Variants in IQSEC2 observed in about 807,000 individuals in gnomAD.
IQSEC2 encodes IQ motif and Sec7 domain ArfGEF 2, also known as IQ motif and SEC7 domain-containing protein 2.
Under a neutral mutation model 74.6 loss-of-function variants are expected in IQSEC2, and 6 were observed. The observed-to-expected ratio is 0.08, with a 90% confidence interval of 0.04 to 0.16. The LOEUF (loss-of-function observed/expected upper bound fraction) is 0.16. Ranked by LOEUF, IQSEC2 falls within the 10% of genes least tolerant of loss-of-function variation. The pLI is 1.00. For missense variants in IQSEC2, 734 were observed against 1,306.2 expected (o/e 0.56, Z 6.75); for synonymous variants, 494 against 544.5 (o/e 0.91, Z 1.29).
intron 8 of IQSEC2, among the ~76,000 whole-genome samples, chrX:53,244,151 G>C (rs2074265788): frequency 9.2e-6 from 1 of 108,757 alleles, no homozygotes; most frequent in African/African-American, 3.4e-5. Context: ...GGGAGGCAGA[G>C]GCTGTAGTGA....
chrX:53,268,254 G>A (rs2074689009), intron 2 of IQSEC2, among the ~76,000 whole-genome samples: 1 of 111,482 alleles, frequency 9.0e-6, no homozygotes, highest in South Asian at 3.8e-4. Context: ...ATGGGAAGAG[G>A]TGGGAAGGAA....
intron 2 of IQSEC2, among the ~76,000 whole-genome samples, chrX:53,283,170 C>T (rs2074992168): frequency 8.9e-6 from 1 of 112,391 alleles, no homozygotes; most frequent in South Asian, 3.7e-4. Context: ...GAGCTGAGAT[C>T]ATGCCGCTGC....
intron 5 of IQSEC2, 68 bp downstream of exon 5, chrX:53,250,211 G>A (rs1368897304): frequency 2.7e-6 from 3 of 1,107,558 alleles, no homozygotes; most frequent in Non-Finnish European, 3.7e-6. Flanking sequence ...GTGGAGTTCT[G>A]TCCCAGGAAC....
At chrX:53,235,601 GAGAC>G (rs2074114480) in intron 14 of IQSEC2, among the ~76,000 whole-genome samples, 178 bp downstream of exon 14, 1 of 111,587 alleles carries the variant, frequency 9.0e-6, no homozygotes, top group South Asian at 3.8e-4. Context: ...GACAGACTGA[GAGAC>G]AGGCAGAATG....
At chrX:53,278,292 G>C (rs1474812305) in intron 2 of IQSEC2, among the ~76,000 whole-genome samples, 4 of 111,196 alleles carry the variant, frequency 3.6e-5, no homozygotes, top group African/African-American at 1.3e-4. Context: ...TTACAGGCGT[G>C]AGCCACTGCG....
At chrX:53,286,064 A>G (rs1305662297) in intron 2 of IQSEC2, among the ~76,000 whole-genome samples, 1 of 112,512 alleles carries the variant, frequency 8.9e-6, no homozygotes, top group Non-Finnish European at 1.9e-5. Flanking sequence ...CTATAAATTC[A>G]GTCACTGAAC....
intron 1 of IQSEC2, among the ~76,000 whole-genome samples, chrX:53,294,113 C>A (rs1488832095): frequency 1.8e-5 from 2 of 111,936 alleles, no homozygotes; most frequent in East Asian, 5.6e-4. Context: ...GCCAGAGAGG[C>A]ACCAACAGAC....
chrX:53,243,516 A>G (rs1463712816), intron 8 of IQSEC2, 45 bp from the exon 9 acceptor site: 31 of 1,128,099 alleles, frequency 2.7e-5, no homozygotes, highest in Non-Finnish European at 3.5e-5. Flanking sequence ...AATTATGGGC[A>G]CTGGGTGGTA....
intron 2 of IQSEC2, among the ~76,000 whole-genome samples, chrX:53,270,550 C>T (rs782353724): frequency 1.8e-5 from 2 of 111,592 alleles, no homozygotes; most frequent in East Asian, 2.8e-4. Context: ...AAAGGCACCC[C>T]AACATTCTCT....
intron 1 of IQSEC2, among the ~76,000 whole-genome samples, chrX:53,296,421 G>A (rs1300127850): frequency 9.0e-6 from 1 of 111,613 alleles, no homozygotes; most frequent in Non-Finnish European, 1.9e-5. Flanking sequence ...AAAGAGACAG[G>A]TACCCTGGCC....
At chrX:53,270,577 T>C (rs2074727248) in intron 2 of IQSEC2, among the ~76,000 whole-genome samples, 1 of 111,826 alleles carries the variant, frequency 8.9e-6, no homozygotes, top group South Asian at 3.7e-4. Flanking sequence ...TCACCCCAGC[T>C]TTTTCTTCAT....
intron 1 of IQSEC2, among the ~76,000 whole-genome samples, chrX:53,295,451 A>T (rs376078529): frequency 3.7e-5 from 4 of 108,380 alleles, no homozygotes; most frequent in Non-Finnish European, 7.7e-5. Flanking sequence ...AAAAATACAA[A>T]AAATTAGCCG....
intron 7 of IQSEC2, among the ~76,000 whole-genome samples, chrX:53,247,519 C>G (rs1301933086): frequency 7.1e-5 from 8 of 111,945 alleles, no homozygotes; most frequent in Admixed American, 6.6e-4. Context: ...ATCCTTCCCC[C>G]ATTGTGGGAA....
intron 1 of IQSEC2, among the ~76,000 whole-genome samples, 165 bp from the exon 2 acceptor site, chrX:53,292,089 C>T (rs782220565): frequency 2.0e-4 from 22 of 111,922 alleles, no homozygotes; most frequent in South Asian, 7.5e-4. Flanking sequence ...AGTGCAAGGC[C>T]GAGAGACAGT....
At chrX:53,298,350 C>T (rs2075177077) in intron 1 of IQSEC2, among the ~76,000 whole-genome samples, 1 of 110,970 alleles carries the variant, frequency 9.0e-6, no homozygotes, top group Admixed American at 9.6e-5. Flanking sequence ...ACCCTCATAC[C>T]TGAGTGACCA....
intron 1 of IQSEC2, among the ~76,000 whole-genome samples, chrX:53,306,078 G>C: frequency 8.9e-6 from 1 of 112,588 alleles, no homozygotes; most frequent in African/African-American, 3.2e-5. Context: ...CAGAGAGATA[G>C]AGGTTCAGCC....
At chrX:53,317,413 G>A (rs1370997511) in intron 1 of IQSEC2, among the ~76,000 whole-genome samples, 4 of 111,553 alleles carry the variant, frequency 3.6e-5, no homozygotes, top group African/African-American at 1.3e-4. Flanking sequence ...GGATGGGGGT[G>A]GACATGACAG....
intron 2 of IQSEC2, 38 bp from the exon 3 acceptor site, chrX:53,256,099 C>T: frequency 1.8e-6 from 2 of 1,131,663 alleles, no homozygotes; most frequent in South Asian, 2.2e-5. Flanking sequence ...GATGTGGGGA[C>T]AGGACAGGGG....
Position 53,248,960 on chromosome X carries a change from TG to T in IQSEC2, c.2298-79del, listed in dbSNP as rs782275895. The T allele has an allele frequency of 3.5e-5, 36 of 1,037,399 alleles. No homozygotes were observed. The South Asian group carries it at 7.0e-4, about 20-fold the overall frequency. 85.5% of individuals were successfully genotyped at this position (1,037,399 alleles called of 1,213,427 possible). ...TCTGTCTCATTTGTTGAACTAATTTTGGGCCCAACTAAGTCCGGCCTCAGAG... is the reference window on the plus strand; with the variant it reads ...TCTGTCTCATTTGTTGAACTAATTTTGGCCCAACTAAGTCCGGCCTCAGAG... On this transcript the variant is annotated intron_variant, in intron 5 of 14. Transcript: ENST00000642864.
Sources: allele counts gnomAD v4.1 joint callset (sites outside exome capture counted in the v4.1 genomes callset), GRCh38; gene constraint gnomAD v4.1.1; transcripts MANE v1.5; gene names NCBI Gene and HGNC (gene_info 2026-07-23, HGNC 2026-07-21).